The following CRAT variants were observed in gnomAD, a reference collection of about 807,000 sequenced individuals.
The protein encoded by CRAT is carnitine O-acetyltransferase.
In CRAT, 66 loss-of-function variants were observed where a neutral mutation model predicts 73.7. The observed-to-expected ratio is 0.90, with a 90% CI of 0.73 to 1.10. The LOEUF is 1.10. Among genes scored for constraint, CRAT ranks in the 50% least tolerant of loss-of-function variants. CRAT has a pLI of 0.00. For synonymous variants in CRAT, 321 were observed against 343.2 expected (o/e 0.94, Z 0.71); for missense variants, 745 against 846.9 (o/e 0.88, Z 1.49).
rs1464433583 is a variant in CRAT, at chr9:129,107,329, G to T, written c.291+485C>A. The stretch of plus-strand genomic sequence containing the variant: ...TTATAGGTGTGAGTCACTGCATCCA[G>T]CTGCCACTTTTTAAATCTGTGTATT... On this transcript the variant is annotated intron_variant, in intron 2 of 13. Transcript: ENST00000318080. The surrounding 1 kb of genome is among the most constrained non-coding windows in gnomAD (Gnocchi z 5.0). 1.2e-5 allele frequency: 5 copies of T among 408,178 alleles called. No homozygotes were observed. The highest frequency in any genetic ancestry group is 2.2e-5 in the Non-Finnish European group (5 of 223,300). 25.3% of individuals were successfully genotyped at this position (408,178 alleles called of 1,614,324 possible).
At position 129,110,394 on chromosome 9, in the gene CRAT, C is replaced by G. The variant is rs1373420241; in HGVS notation, c.27+89G>C. 7.4e-7 allele frequency: 1 copy of G among 1,355,750 alleles called. No individual in the cohort carries two copies. 84.0% of individuals were successfully genotyped at this position (1,355,750 alleles called of 1,614,324 possible). ...AGCTGGAGGCCGGGTCGAACAGCGG[C>G]CGCAGGACGCGGTCTCCGTTCCCGG... is the stretch of plus-strand genomic sequence containing the variant. On this transcript the variant is annotated intron_variant, in intron 1 of 13. Transcript: ENST00000318080. This position sits in a 1 kb window ranked among gnomAD's most constrained non-coding sequence, Gnocchi z 5.3.
intron 1 of CRAT, chr9:129,108,409 C>A (rs1848154786): frequency 8.4e-7 from 1 of 1,185,484 alleles, no homozygotes; most frequent in Non-Finnish European, 1.1e-6. Context: ...CTTTCTCACC[C>A]TGGAAGAGGA....
In CRAT at chr9:129,109,987, A is replaced by C. The variant is rs544726940; in HGVS notation, c.27+496T>G. Among the ~76,000 whole-genome samples the C allele has an allele frequency of 1.6e-4, 25 of 152,176 alleles. No homozygotes were observed. In the South Asian group the frequency reaches 3.1e-3, roughly 19 times the overall value. On this transcript the variant is annotated intron_variant, in intron 1 of 13. Transcript: ENST00000318080. ...GGAGACCATGGGGCTGCCACCTGCC[A>C]GTTCTGAGGCCTTTCTAGCTTGATG...
chr9:129,104,784 T>G (rs1360431222), intron 2 of CRAT, among the ~76,000 whole-genome samples: 1 of 151,252 alleles, frequency 6.6e-6, no homozygotes, highest in East Asian at 1.9e-4. Flanking sequence ...TTTTGTATTT[T>G]TAGTAGAGAC....
Position 129,103,604 on chromosome 9 carries a change from G to C in CRAT, c.411-538C>G, listed in dbSNP as rs1588455019. Among the ~76,000 whole-genome samples the C allele has an allele frequency of 6.6e-6, 1 of 152,302 alleles. No individual in the cohort carries two copies. On this transcript the variant is annotated intron_variant, in intron 3 of 13. Transcript: ENST00000318080. This position sits in a 1 kb window ranked among gnomAD's most constrained non-coding sequence, Gnocchi z 4.6. ...CCCATGGCAACCACCCTCAATGCTTGGGGCCGCCCCTGGATCCCACCATGG... is the reference window on the plus strand; with the variant it reads ...CCCATGGCAACCACCCTCAATGCTTCGGGCCGCCCCTGGATCCCACCATGG...
rs925954934 is a variant in CRAT at position 129,106,324 on chromosome 9, C to T, written c.291+1490G>A. 1.3e-5 allele frequency among the ~76,000 whole-genome samples: 2 copies of T among 152,168 alleles called. No individual in the cohort carries two copies. The highest frequency in any genetic ancestry group is 4.8e-5 in the African/African-American group (2 of 41,422). On this transcript the variant is annotated intron_variant, in intron 2 of 13. Coordinates refer to ENST00000318080, the MANE Select transcript of CRAT (RefSeq NM_000755.5). This position sits in a 1 kb window ranked among gnomAD's most constrained non-coding sequence, Gnocchi z 4.0. ...CTCTCTGGGCCTTAGTTTTCCTCAT[C>T]TGTAGATCAGTGAAGGGCAGACAGG...
Position 129,099,960 on chromosome 9 carries a change from CGATGAACTGTG to C in CRAT, c.985-5_990del, listed in dbSNP as rs778562815. 6.2e-7 allele frequency: 1 copy of C among 1,613,102 alleles called. No homozygotes were observed. The highest frequency in any genetic ancestry group is 1.1e-5 in the South Asian group (1 of 91,002). ...AGCCCACAGGAGCCATCTTCTGCCA[CGATGAACTGTG>C]GAAGGGAAGGGAGACCCCGGTCAGC... On this transcript the variant is annotated splice_acceptor_variant and splice_polypyrimidine_tract_variant and coding_sequence_variant and intron_variant, in exon 8 of 14. Coordinates refer to ENST00000318080, the MANE Select transcript of CRAT (RefSeq NM_000755.5). LOFTEE classifies it high-confidence loss of function.
chr9:129,098,080 T>C lies in CRAT; in HGVS notation c.1397A>G (p.Asp466Gly). 6.2e-7 allele frequency: 1 copy of C among 1,613,996 alleles called. No homozygotes were observed. The highest frequency in any genetic ancestry group is 8.5e-7 in the Non-Finnish European group (1 of 1,180,030). Residue 466 changes from aspartate to glycine, a missense_variant, in exon 11 of 14, where the codon GAC becomes GGC. Asp to Gly is a moderately conservative substitution (Grantham distance 94, BLOSUM62 -1). Transcript: ENST00000318080. ...SLRMFHLGRT[D>G]TIRSASMDSL... ...GTCCATGGAAGCCGAGCGGATGGTG[T>C]CGGTGCGGCCCAGGTGAAACATGCG...
chr9:129,096,644 TATACCTAGCGTCAGGGAGAG>T (rs1374312331), intron 12 of CRAT, among the ~76,000 whole-genome samples: 3 of 152,222 alleles, frequency 2.0e-5, no homozygotes, highest in African/African-American at 7.2e-5. Flanking sequence ...CTGGACCATG[TATACCTAGCGTCAGGGAGAG>T]ATACCTAGCA....
chr9:129,102,858 T>A (rs1847774443), intron 4 of CRAT, among the ~76,000 whole-genome samples, 155 bp downstream of exon 4: 1 of 152,032 alleles, frequency 6.6e-6, no homozygotes, highest in Non-Finnish European at 1.5e-5. Flanking sequence ...TTAGTTGGGA[T>A]GGGACAGGGT....
At chr9:129,100,423 C>T (rs556791949) in intron 7 of CRAT, 88 bp downstream of exon 7, 19 of 1,289,858 alleles carry the variant, frequency 1.5e-5, no homozygotes, top group Middle Eastern at 2.7e-4. Context: ...AGGCTGGGGA[C>T]GCAGGGCCGG....
rs1170000822 is a variant in CRAT at position 129,103,010 on chromosome 9, C to T, written c.464+3G>A. On this transcript the variant is annotated splice_donor_region_variant and intron_variant, in intron 4 of 13. Coordinates refer to ENST00000318080, the MANE Select transcript of CRAT (RefSeq NM_000755.5). This position sits in a 1 kb window ranked among gnomAD's most constrained non-coding sequence, Gnocchi z 4.6. ...GGGGCTGGGCAGGGGTGGGGATGCT[C>T]ACTTGTCAATCATGACCTTGAAATC... 1 of 1,613,734 alleles carries T rather than the reference C, an allele frequency of 6.2e-7. No homozygotes were observed. The highest frequency in any genetic ancestry group is 1.7e-5 in the Admixed American group (1 of 60,026).
chr9:129,095,018 T>G lies in CRAT; in HGVS notation c.*379A>C. The G allele has an allele frequency of 3.7e-6, 1 of 266,916 alleles. No individual in the cohort carries two copies. The highest frequency in any genetic ancestry group is 7.3e-6 in the Non-Finnish European group (1 of 137,284). The allele number at this position is 266,916 out of a possible 1,614,324, so 16.5% of individuals were successfully genotyped here. A position where few individuals can be genotyped will look rare whatever the true frequency, so the allele number is the denominator to read the frequency against. ...GGGAAGCAGGGTACAGATGGTGGCC[T>G]GGTCATGGAGTTGGCAGGGAGTGGC... On this transcript the variant is annotated 3_prime_UTR_variant, in exon 14 of 14. Transcript: ENST00000318080.
At position 129,103,128 on chromosome 9, in the gene CRAT, G is replaced by T. The variant is rs538801396; in HGVS notation, c.411-62C>A. On this transcript the variant is annotated intron_variant, in intron 3 of 13. Coordinates refer to ENST00000318080, the MANE Select transcript of CRAT (RefSeq NM_000755.5). The surrounding 1 kb of genome is among the most constrained non-coding windows in gnomAD (Gnocchi z 4.6). ...CACCCTGAGGGAGGCCCCGGGCTAG[G>T]GACACCTGCTTGGGGAGCGGGAGGT... 7.4e-5 allele frequency: 105 copies of T among 1,414,336 alleles called. No homozygotes were observed. The African/African-American group carries it at 1.4e-3, about 19-fold the overall frequency. 87.6% of individuals were successfully genotyped at this position (1,414,336 alleles called of 1,614,324 possible).
chr9:129,098,698 T>C lies in CRAT; in HGVS notation c.1086-48A>G, dbSNP rs529652791. Reference sequence around the variant, plus strand: ...GGCTCATGCTGGTGCCTCTAGAGCCTGGGTCCATTCTGGGACCAGGGTGGG... The same window carrying C: ...GGCTCATGCTGGTGCCTCTAGAGCCCGGGTCCATTCTGGGACCAGGGTGGG... On this transcript the variant is annotated intron_variant, in intron 8 of 13. Transcript: ENST00000318080. 2.7e-5 allele frequency: 42 copies of C among 1,565,614 alleles called. No homozygotes were observed. The South Asian group carries it at 4.4e-4, about 17-fold the overall frequency.
chr9:129,102,835 T>C (rs768891272), intron 4 of CRAT, among the ~76,000 whole-genome samples, 178 bp downstream of exon 4: 2 of 152,086 alleles, frequency 1.3e-5, no homozygotes, highest in Non-Finnish European at 2.9e-5. Context: ...CGAATAAAAC[T>C]CTGGGGTCCT....
rs1847727602 is a variant in CRAT, at chr9:129,102,345, G to A, written c.630+55C>T. 9 of 1,606,960 alleles carry A rather than the reference G, an allele frequency of 5.6e-6. No homozygotes were observed. In the South Asian group the frequency reaches 7.7e-5, roughly 14 times the overall value. ...GTGGGGAAGCCGACTGCGGCCGTCC[G>A]GCTGTACTCCTGCAGCAGGGCCGGG... On this transcript the variant is annotated intron_variant, in intron 5 of 13. Transcript: ENST00000318080.
At chr9:129,102,378 G>A in intron 5 of CRAT, 22 bp downstream of exon 5, 2 of 1,613,770 alleles carry the variant, frequency 1.2e-6, no homozygotes, top group Non-Finnish European at 1.7e-6. Context: ...GGGGCTTGTA[G>A]GTGTGGGTGG....
Position 129,110,704 on chromosome 9 carries a change from C to T in CRAT, c.-195G>A, listed in dbSNP as rs1215308722. ...GCCGAGCGGGCTGCGGGAAGGCACC[C>T]GGGGAGGAGGACTCGCGAGGCGGGG... On this transcript the variant is annotated 5_prime_UTR_variant, in exon 1 of 14. Coordinates refer to ENST00000318080, the MANE Select transcript of CRAT (RefSeq NM_000755.5). This position sits in a 1 kb window ranked among gnomAD's most constrained non-coding sequence, Gnocchi z 5.3. 19 of 669,426 alleles carry T rather than the reference C, an allele frequency of 2.8e-5. No individual in the cohort carries two copies. Among genetic ancestry groups the T allele is most frequent in the Non-Finnish European group, 3.9e-5 (17 of 433,470 alleles). The allele number at this position is 669,426 out of a possible 1,614,324, so 41.5% of individuals were successfully genotyped here. A position where few individuals can be genotyped will look rare whatever the true frequency, so the allele number is the denominator to read the frequency against.
Sources: allele counts gnomAD v4.1 joint callset (sites outside exome capture counted in the v4.1 genomes callset), GRCh38; gene constraint gnomAD v4.1.1; non-coding constraint Gnocchi (gnomAD v3.1); transcripts MANE v1.5; gene names NCBI Gene and HGNC (gene_info 2026-07-23, HGNC 2026-07-21).